Variants in FBXL17 observed in about 807,000 individuals in gnomAD.
The protein encoded by FBXL17 is F-box and leucine rich repeat protein 17, also known as F-box/LRR-repeat protein 17.
A neutral mutation model predicts 66.2 loss-of-function variants in FBXL17; 22 were observed. The ratio of observed to expected loss-of-function variants is 0.33; its 90% CI spans 0.24 to 0.47. The LOEUF (loss-of-function observed/expected upper bound fraction) is 0.47, where lower values mean the gene tolerates loss of function less well. Among genes scored for constraint, FBXL17 ranks in the 20% least tolerant of loss-of-function variants. The pLI, the probability that FBXL17 is intolerant of heterozygous loss-of-function variation, is 1.00. For synonymous variants in FBXL17, 474 were observed against 400.5 expected, an observed-to-expected ratio of 1.18 and a Z score of -2.19; for missense variants, 878 against 948.2, an observed-to-expected ratio of 0.93 and a Z score of 0.97.
intron 4 of FBXL17, among the ~76,000 whole-genome samples, chr5:108,314,077 A>T (rs1294762372): frequency 5.9e-5 from 9 of 151,826 alleles, no homozygotes; most frequent in African/African-American, 2.2e-4. Flanking sequence ...TTTTTGCAAC[A>T]TTTCTATTTT....
intron 1 of FBXL17, among the ~76,000 whole-genome samples, chr5:108,376,576 A>G (rs906021655): frequency 2.6e-5 from 4 of 152,094 alleles, no homozygotes; most frequent in Non-Finnish European, 5.9e-5. Flanking sequence ...TTCTCCTGTA[A>G]TTATTTAAAT....
At chr5:107,883,030 C>A (rs760744015) in intron 7 of FBXL17, among the ~76,000 whole-genome samples, 13 of 152,172 alleles carry the variant, frequency 8.5e-5, no homozygotes, top group Non-Finnish European at 1.9e-4. Flanking sequence ...TGACTTACTA[C>A]TATTTACTGA....
chr5:108,057,234 T>G (rs1451720574), intron 6 of FBXL17, among the ~76,000 whole-genome samples: 1 of 152,180 alleles, frequency 6.6e-6, no homozygotes, highest in Non-Finnish European at 1.5e-5. Context: ...GCCAAACTAC[T>G]AAAAGTTCAC....
intron 4 of FBXL17, among the ~76,000 whole-genome samples, chr5:108,239,062 AT>A (rs550175960): frequency 1.3e-4 from 19 of 147,660 alleles, no homozygotes; most frequent in Admixed American, 2.0e-4. Flanking sequence ...TAACTTTGAC[AT>A]TTTTTTTTTA....
intron 3 of FBXL17, among the ~76,000 whole-genome samples, chr5:108,363,968 C>G (rs1748499878): frequency 1.3e-5 from 2 of 151,866 alleles, no homozygotes; most frequent in South Asian, 2.1e-4. Context: ...AGAAATGAAT[C>G]AAGAAAAATA....
Position 107,859,468 on chromosome 5 carries a change from T to G in FBXL17, c.*2252A>C, listed in dbSNP as rs915665623. On this transcript the variant is annotated 3_prime_UTR_variant, in exon 9 of 9. Coordinates refer to ENST00000542267, the MANE Select transcript of FBXL17 (RefSeq NM_001163315.3). Reference sequence around the variant, plus strand: ...TGGTATTTCTACGGATTTCTACAAATGTACCAAAGCAGTTTTCCAGATTAT... The same window carrying G: ...TGGTATTTCTACGGATTTCTACAAAGGTACCAAAGCAGTTTTCCAGATTAT... 3.5e-5 allele frequency: 5 copies of G among 142,372 alleles called. No homozygotes were observed. Among genetic ancestry groups the G allele is most frequent in the Admixed American group, 7.6e-5 (1 of 13,134 alleles). 8.8% of individuals were successfully genotyped at this position (142,372 alleles called of 1,614,324 possible). A position where few individuals can be genotyped will look rare whatever the true frequency, so the allele number is the denominator to read the frequency against.
chr5:107,899,041 A>C (rs1445551082), intron 7 of FBXL17, among the ~76,000 whole-genome samples: 1 of 152,190 alleles, frequency 6.6e-6, no homozygotes, highest in Non-Finnish European at 1.5e-5. Flanking sequence ...GAATTGCCAT[A>C]CTGACTTCCA....
chr5:108,109,787 C>T (rs1749959390), intron 6 of FBXL17, among the ~76,000 whole-genome samples: 1 of 152,050 alleles, frequency 6.6e-6, no homozygotes, highest in East Asian at 1.9e-4. Context: ...CAATGTATAT[C>T]AATACAAGAG....
In FBXL17 at chr5:108,066,692, T is replaced by C. The variant is rs1421657292; in HGVS notation, c.1746-45691A>G. Among the ~76,000 whole-genome samples the C allele has an allele frequency of 2.0e-5, 3 of 151,964 alleles. No individual in the cohort carries two copies. In the East Asian group the frequency reaches 5.8e-4, roughly 29 times the overall value. On this transcript the variant is annotated intron_variant, in intron 6 of 8. Transcript: ENST00000542267. Reference sequence around the variant, plus strand: ...GAAAATAATTATAATTTTCCTCCATTTTATTATTTTATCTTTTCTATAAAC... The same window carrying C: ...GAAAATAATTATAATTTTCCTCCATCTTATTATTTTATCTTTTCTATAAAC...
At chr5:108,323,647 T>G (rs1163517827) in intron 4 of FBXL17, among the ~76,000 whole-genome samples, 1 of 151,938 alleles carries the variant, frequency 6.6e-6, no homozygotes, top group East Asian at 1.9e-4. Flanking sequence ...AAAACAATCT[T>G]GAAAAAGAAG....
intron 7 of FBXL17, among the ~76,000 whole-genome samples, chr5:107,956,285 T>C (rs572336264): frequency 6.6e-6 from 1 of 152,340 alleles, no homozygotes; most frequent in Non-Finnish European, 1.5e-5. Context: ...CTCAGATTCC[T>C]GAGATCTCTG....
At chr5:107,927,844 A>G (rs559107038) in intron 7 of FBXL17, among the ~76,000 whole-genome samples, 1 of 152,274 alleles carries the variant, frequency 6.6e-6, no homozygotes, top group Admixed American at 6.5e-5. Context: ...AAGAAGCAAG[A>G]GTGAACGAGG....
chr5:108,023,265 T>C (rs1056498790), intron 6 of FBXL17, among the ~76,000 whole-genome samples: 85 of 152,156 alleles, frequency 5.6e-4, no homozygotes, highest in African/African-American at 2.0e-3. Context: ...TTGGAAAACT[T>C]GTAGCAAAAT....
intron 6 of FBXL17, among the ~76,000 whole-genome samples, chr5:108,098,190 A>G (rs1469803315): frequency 6.6e-6 from 1 of 152,148 alleles, no homozygotes; most frequent in Non-Finnish European, 1.5e-5. Flanking sequence ...GGGCTATCAT[A>G]TACTGCAAAG....
intron 6 of FBXL17, among the ~76,000 whole-genome samples, chr5:108,147,686 T>C (rs1751612362): frequency 6.6e-6 from 1 of 152,038 alleles, no homozygotes; most frequent in South Asian, 2.1e-4. Flanking sequence ...TGAACACCAA[T>C]CCTCAAATTT....
At chr5:108,238,662 C>G (rs1035624515) in intron 4 of FBXL17, among the ~76,000 whole-genome samples, 1 of 152,068 alleles carries the variant, frequency 6.6e-6, no homozygotes, top group Non-Finnish European at 1.5e-5. Context: ...AGGCATGCAC[C>G]ACCTTGCCAG....
chr5:108,011,219 G>A (rs192460542), intron 7 of FBXL17, among the ~76,000 whole-genome samples: 27 of 152,274 alleles, frequency 1.8e-4, no homozygotes, highest in African/African-American at 5.3e-4. Flanking sequence ...AGTAAGTAGC[G>A]AAGTAGATCT....
intron 4 of FBXL17, among the ~76,000 whole-genome samples, chr5:108,252,138 T>C (rs1756382638): frequency 6.6e-6 from 1 of 152,120 alleles, no homozygotes; most frequent in Non-Finnish European, 1.5e-5. Flanking sequence ...AAAAGAGAAC[T>C]TTTCCAATAT....
At chr5:108,267,579 T>C (rs1280370968) in intron 4 of FBXL17, among the ~76,000 whole-genome samples, 1 of 152,074 alleles carries the variant, frequency 6.6e-6, no homozygotes, top group Non-Finnish European at 1.5e-5. Flanking sequence ...GCAAATTACT[T>C]CCCTCATCTA....
Sources: allele counts gnomAD v4.1 joint callset (sites outside exome capture counted in the v4.1 genomes callset), GRCh38; gene constraint gnomAD v4.1.1; transcripts MANE v1.5; gene names NCBI Gene and HGNC (gene_info 2026-07-23, HGNC 2026-07-21).